The following STX7 variants were observed in gnomAD, a reference collection of about 807,000 sequenced individuals.
STX7 encodes the protein syntaxin-7.
Under a neutral mutation model 39.6 loss-of-function variants are expected in STX7, and 34 were observed. The ratio of observed to expected loss-of-function variants is 0.86; its 90% CI spans 0.65 to 1.14. STX7 has a LOEUF of 1.14. Among genes scored for constraint, STX7 ranks in the 50% most tolerant of loss-of-function variants. The pLI is 0.00. For synonymous variants in STX7, 119 were observed against 99.1 expected, an observed-to-expected ratio of 1.20 and a Z score of -1.19; for missense variants, 284 against 310.4, an observed-to-expected ratio of 0.92 and a Z score of 0.64.
chr6:132,476,589 G>A (rs1774882093), intron 2 of STX7, among the ~76,000 whole-genome samples: 1 of 152,150 alleles, frequency 6.6e-6, no homozygotes, highest in Admixed American at 6.5e-5. Context: ...GGGACAACTG[G>A]AGAAATTTGA....
chr6:132,488,389 T>A (rs1379559469), intron 2 of STX7, among the ~76,000 whole-genome samples: 2 of 152,238 alleles, frequency 1.3e-5, no homozygotes, highest in Non-Finnish European at 2.9e-5. Flanking sequence ...TATAAGTGGC[T>A]GTCACCATCA....
rs1292746237 is a variant in STX7 at position 132,447,318 on chromosome 6, G to A, written c.*13440C>T. 6.6e-6 allele frequency: 1 copy of A among 152,078 alleles called. No homozygotes were observed. The highest frequency in any genetic ancestry group is 1.9e-4 in the East Asian group (1 of 5,196). The allele number at this position is 152,078 out of a possible 1,614,324, so 9.4% of individuals were successfully genotyped here. On this transcript the variant is annotated 3_prime_UTR_variant, in exon 10 of 10. Coordinates refer to ENST00000367941, the MANE Select transcript of STX7 (RefSeq NM_003569.3). ...AAACAGTTGACTTTATGTAGATTATGGTTAATATCTTTTGCAGATTTTCTA... is the reference window on the plus strand; with the variant it reads ...AAACAGTTGACTTTATGTAGATTATAGTTAATATCTTTTGCAGATTTTCTA...
chr6:132,478,818 G>C (rs942041021), intron 2 of STX7, among the ~76,000 whole-genome samples: 2 of 152,206 alleles, frequency 1.3e-5, no homozygotes, highest in African/African-American at 4.8e-5. Flanking sequence ...CAGAGAACAT[G>C]AGAAAGGATT....
chr6:132,512,951 G>T (rs1206372619), intron 1 of STX7, 56 bp downstream of exon 1: 2 of 152,322 alleles, frequency 1.3e-5, no homozygotes, highest in African/African-American at 2.4e-5. Context: ...CAGCCGCAGG[G>T]GCACCGCGCC....
intron 2 of STX7, 88 bp from the exon 3 acceptor site, chr6:132,475,750 CA>C: frequency 1.3e-6 from 1 of 754,728 alleles, no homozygotes; most frequent in South Asian, 2.4e-5. Flanking sequence ...AGCAATTGGG[CA>C]GTTGAAAAGA....
At chr6:132,490,802 G>A (rs1029537761) in intron 2 of STX7, among the ~76,000 whole-genome samples, 10 of 152,172 alleles carry the variant, frequency 6.6e-5, no homozygotes, top group Non-Finnish European at 1.0e-4. Flanking sequence ...GCCATGGGCT[G>A]CCGACCCTAC....
At position 132,455,646 on chromosome 6, in the gene STX7, C is replaced by T. The variant is rs1201998856; in HGVS notation, c.*5112G>A. 1 of 152,158 alleles carries T rather than the reference C, an allele frequency of 6.6e-6. No individual in the cohort carries two copies. The highest frequency in any genetic ancestry group is 1.5e-5 in the Non-Finnish European group (1 of 68,026). 9.4% of individuals were successfully genotyped at this position (152,158 alleles called of 1,614,324 possible). On this transcript the variant is annotated 3_prime_UTR_variant, in exon 10 of 10. Coordinates refer to ENST00000367941, the MANE Select transcript of STX7 (RefSeq NM_003569.3). ...CCACTCTAAGCAATTAAGTGACCAA[C>T]CTCTTAAAAACTTGCCAGAAGCTAC...
At chr6:132,471,963 C>T (rs936459014) in intron 4 of STX7, among the ~76,000 whole-genome samples, 1 of 152,278 alleles carries the variant, frequency 6.6e-6, no homozygotes, top group African/African-American at 2.4e-5. Context: ...GGACACCTCA[C>T]ATCTTGAATG....
rs1311353435 is a variant in STX7 at position 132,453,749 on chromosome 6, C to T, written c.*7009G>A. 1 of 151,848 alleles carries T rather than the reference C, an allele frequency of 6.6e-6. No individual in the cohort carries two copies. Among genetic ancestry groups the T allele is most frequent in the African/African-American group, 2.4e-5 (1 of 41,362 alleles). The allele number at this position is 151,848 out of a possible 1,614,324, so 9.4% of individuals were successfully genotyped here. On this transcript the variant is annotated 3_prime_UTR_variant, in exon 10 of 10. Coordinates refer to ENST00000367941, the MANE Select transcript of STX7 (RefSeq NM_003569.3). Reference sequence around the variant, plus strand: ...CAATGAGCTGTCACTATACACTTATCAGAATGACTAAAATAAAAAAGAGAC... The same window carrying T: ...CAATGAGCTGTCACTATACACTTATTAGAATGACTAAAATAAAAAAGAGAC...
At chr6:132,498,139 G>C (rs1198352705) in intron 2 of STX7, among the ~76,000 whole-genome samples, 1 of 152,112 alleles carries the variant, frequency 6.6e-6, no homozygotes, top group African/African-American at 2.4e-5. Context: ...TTCTCTCATA[G>C]GATACAAATA....
chr6:132,475,277 C>T (rs1305974016), intron 3 of STX7: 1 of 165,404 alleles, frequency 6.0e-6, no homozygotes, highest in East Asian at 1.6e-4. Flanking sequence ...AAGCTCGCCA[C>T]CACGCCTGGC....
intron 2 of STX7, among the ~76,000 whole-genome samples, chr6:132,483,055 T>C (rs1775049601): frequency 6.6e-6 from 1 of 152,160 alleles, no homozygotes; most frequent in Non-Finnish European, 1.5e-5. Context: ...TTGTCCTCAG[T>C]TATTAAAAAT....
Position 132,503,593 on chromosome 6 carries a change from A to T in STX7, c.-58-5T>A. 2.3e-6 allele frequency: 3 copies of T among 1,299,142 alleles called. No individual in the cohort carries two copies. In the South Asian group the frequency reaches 3.7e-5, roughly 16 times the overall value. The allele number at this position is 1,299,142 out of a possible 1,614,324, so 80.5% of individuals were successfully genotyped here. On this transcript the variant is annotated splice_polypyrimidine_tract_variant and splice_region_variant and intron_variant, in intron 1 of 9. Transcript: ENST00000367941. ...TGCAGTTTTCTAAGCAGTCACCTAA[A>T]TAATATAAAAGTCACACAGATATAT... is the stretch of plus-strand genomic sequence containing the variant.
At chr6:132,485,690 T>C (rs1582666328) in intron 2 of STX7, among the ~76,000 whole-genome samples, 1 of 152,204 alleles carries the variant, frequency 6.6e-6, no homozygotes, top group Non-Finnish European at 1.5e-5. Context: ...GCTCCGTCTT[T>C]TAAATTTTGC....
At chr6:132,496,774 T>C (rs1277364125) in intron 2 of STX7, among the ~76,000 whole-genome samples, 2 of 152,168 alleles carry the variant, frequency 1.3e-5, no homozygotes, top group Non-Finnish European at 2.9e-5. Context: ...TTGGATCTGA[T>C]TTCAGGAAAT....
intron 9 of STX7, among the ~76,000 whole-genome samples, chr6:132,462,328 G>C (rs372269971): frequency 1.4e-4 from 21 of 152,244 alleles, no homozygotes; most frequent in African/African-American, 5.1e-4. Context: ...TGGCCATCTC[G>C]TCCCGCTTCG....
In STX7 at chr6:132,459,267, C is replaced by A. The variant is rs1241458570; in HGVS notation, c.*1491G>T. On this transcript the variant is annotated 3_prime_UTR_variant, in exon 10 of 10. Transcript: ENST00000367941. ...CTCACAAAAGAGTTTTCTGTAATCC[C>A]TTTTGTGGAAAAAAATGGAGTTTTT... 1 of 152,176 alleles carries A rather than the reference C, an allele frequency of 6.6e-6. No individual in the cohort carries two copies. Among genetic ancestry groups the A allele is most frequent in the East Asian group, 1.9e-4 (1 of 5,196 alleles). The allele number at this position is 152,176 out of a possible 1,614,324, so 9.4% of individuals were successfully genotyped here. A position where few individuals can be genotyped will look rare whatever the true frequency, so the allele number is the denominator to read the frequency against.
At position 132,446,707 on chromosome 6, in the gene STX7, T is replaced by G. The variant is rs1774021295; in HGVS notation, c.*14051A>C. On this transcript the variant is annotated 3_prime_UTR_variant, in exon 10 of 10. Coordinates refer to ENST00000367941, the MANE Select transcript of STX7 (RefSeq NM_003569.3). The stretch of plus-strand genomic sequence containing the variant: ...AATGTTTTTTATGAACATGAGCATC[T>G]GGCTGCACATACAGAGCAGCACATT... The G allele has an allele frequency of 6.6e-6, 1 of 152,206 alleles. No homozygotes were observed. The highest frequency in any genetic ancestry group is 2.1e-4 in the South Asian group (1 of 4,836). The allele number at this position is 152,206 out of a possible 1,614,324, so 9.4% of individuals were successfully genotyped here.
intron 5 of STX7, 87 bp from the exon 6 acceptor site, chr6:132,470,713 T>C (rs1018658897): frequency 1.1e-6 from 1 of 879,260 alleles, no homozygotes; most frequent in Non-Finnish European, 1.9e-6. Context: ...TCCCTTATAA[T>C]AAACTAAACT....
Sources: gnomAD v4.1 joint callset for allele counts (sites outside exome capture counted in the v4.1 genomes callset) on GRCh38, gnomAD v4.1.1 for gene constraint, MANE v1.5 for transcripts, NCBI Gene and HGNC (gene_info 2026-07-23, HGNC 2026-07-21) for gene names.